CSMD1: variants seen among roughly 807,000 people sequenced by gnomAD.
CSMD1 encodes CUB and sushi domain-containing protein 1.
CSMD1 carries 213 observed loss-of-function variants against 417.5 expected under a neutral mutation model. The ratio of observed to expected loss-of-function variants is 0.51; its 90% confidence interval spans 0.46 to 0.57. CSMD1 has a LOEUF of 0.57. Ranked by LOEUF, CSMD1 falls within the 20% of genes least tolerant of loss-of-function variation. CSMD1 has a pLI of 0.00. For synonymous variants in CSMD1, 2,862 were observed against 1,736.8 expected (o/e 1.65, Z -16.11); for missense variants, 6,923 against 4,529.7 (o/e 1.53, Z -15.17).
chr8:3,845,855 C>G (rs1241406266), intron 5 of CSMD1, among the ~76,000 whole-genome samples: 1 of 150,722 alleles, frequency 6.6e-6, no homozygotes, highest in Non-Finnish European at 1.5e-5. Context: ...TTCTATACTT[C>G]TTTTGTTAAA....
chr8:4,948,284 T>G (rs1336226684), intron 1 of CSMD1, among the ~76,000 whole-genome samples: 4 of 152,116 alleles, frequency 2.6e-5, no homozygotes, highest in Non-Finnish European at 4.4e-5. Context: ...GTTGAATATT[T>G]TTATAATGTT....
intron 3 of CSMD1, among the ~76,000 whole-genome samples, chr8:4,205,630 A>G (rs988209304): frequency 6.6e-6 from 1 of 152,122 alleles, no homozygotes; most frequent in African/African-American, 2.4e-5. Flanking sequence ...GGAGCCACAC[A>G]GAGTGAGAAA....
At chr8:3,242,790 C>T (rs570488434) in intron 26 of CSMD1, among the ~76,000 whole-genome samples, 221 of 147,650 alleles carry the variant, frequency 1.5e-3, no homozygotes, top group Admixed American at 3.6e-3. Flanking sequence ...TCCAGACAAG[C>T]GGGAAAGGGG....
intron 1 of CSMD1, among the ~76,000 whole-genome samples, chr8:4,682,693 G>T (rs1411079433): frequency 1.3e-5 from 2 of 151,570 alleles, no homozygotes; most frequent in African/African-American, 4.8e-5. Context: ...TCTTACCTTG[G>T]AAAAATGATA....
intron 40 of CSMD1, among the ~76,000 whole-genome samples, chr8:3,148,786 T>C: frequency 6.6e-6 from 1 of 152,324 alleles, no homozygotes; most frequent in East Asian, 1.9e-4. Context: ...AGAGGACACA[T>C]CGCCACTCAC....
At chr8:4,982,862 G>T (rs902893313) in intron 1 of CSMD1, among the ~76,000 whole-genome samples, 3 of 152,120 alleles carry the variant, frequency 2.0e-5, no homozygotes, top group African/African-American at 7.2e-5. Context: ...TGCCAGCAAA[G>T]AATGCAGGAA....
chr8:3,767,029 A>G (rs1309863473), intron 5 of CSMD1, among the ~76,000 whole-genome samples: 9 of 152,212 alleles, frequency 5.9e-5, no homozygotes, highest in African/African-American at 1.4e-4. Context: ...ATGAGCTCTC[A>G]TAACTCCGGA....
intron 5 of CSMD1, among the ~76,000 whole-genome samples, chr8:3,914,343 A>T (rs181788969): frequency 4.6e-5 from 7 of 152,002 alleles, no homozygotes; most frequent in Admixed American, 4.6e-4. Context: ...AGAGGGTATC[A>T]GGATGTGTCC....
chr8:3,775,486 G>C (rs974290347), intron 5 of CSMD1, among the ~76,000 whole-genome samples: 24 of 152,158 alleles, frequency 1.6e-4, no homozygotes, highest in African/African-American at 5.8e-4. Context: ...AAAGGACACG[G>C]GGTGAAGTTA....
intron 10 of CSMD1, among the ~76,000 whole-genome samples, chr8:3,508,870 A>C (rs1258570419): frequency 6.6e-6 from 1 of 152,172 alleles, no homozygotes; most frequent in Non-Finnish European, 1.5e-5. Context: ...GACAAAAGTG[A>C]CCAGTTAGAG....
intron 33 of CSMD1, among the ~76,000 whole-genome samples, chr8:3,193,845 C>T (rs983779): frequency 0.31 from 46,751 of 152,002 alleles, 7,421 homozygotes; most frequent in Admixed American, 0.34. Context: ...GTGACAGGTT[C>T]GATGATCACC....
intron 1 of CSMD1, among the ~76,000 whole-genome samples, chr8:4,697,330 A>G (rs965914798): frequency 6.6e-6 from 1 of 152,158 alleles, no homozygotes; most frequent in Non-Finnish European, 1.5e-5. Flanking sequence ...CTTCTCACCA[A>G]AAGTTGCATT....
chr8:3,730,883 C>T (rs1375848076), intron 6 of CSMD1, among the ~76,000 whole-genome samples: 1 of 152,088 alleles, frequency 6.6e-6, no homozygotes, highest in Non-Finnish European at 1.5e-5. Context: ...TGCTTTTAGC[C>T]ACTATAATAC....
At chr8:4,188,661 T>C (rs978050780) in intron 3 of CSMD1, among the ~76,000 whole-genome samples, 1 of 152,094 alleles carries the variant, frequency 6.6e-6, no homozygotes, top group Non-Finnish European at 1.5e-5. Flanking sequence ...AAAACTCTCA[T>C]AAAACAGTCT....
At chr8:3,632,652 A>T (rs1343169554) in intron 7 of CSMD1, among the ~76,000 whole-genome samples, 1 of 152,206 alleles carries the variant, frequency 6.6e-6, no homozygotes, top group Non-Finnish European at 1.5e-5. Context: ...TTAAAAAATA[A>T]TTAAATAACT....
chr8:3,998,403 G>A (rs1815394045), intron 4 of CSMD1, among the ~76,000 whole-genome samples: 1 of 152,256 alleles, frequency 6.6e-6, no homozygotes, highest in Admixed American at 6.5e-5. Context: ...TTGATAGGCA[G>A]CCTAACAAGA....
chr8:4,947,337 A>G (rs546971845), intron 1 of CSMD1, among the ~76,000 whole-genome samples: 1 of 152,160 alleles, frequency 6.6e-6, no homozygotes, highest in Non-Finnish European at 1.5e-5. Flanking sequence ...TCTCCCAGTT[A>G]AAATGCATAA....
At chr8:4,348,554 T>G (rs971855521) in intron 3 of CSMD1, among the ~76,000 whole-genome samples, 2 of 147,638 alleles carry the variant, frequency 1.4e-5, no homozygotes, top group African/African-American at 5.0e-5. Flanking sequence ...AAAGTGTGTG[T>G]GTGCACATGT....
chr8:3,260,222 G>A (rs895840774), intron 26 of CSMD1, among the ~76,000 whole-genome samples: 1 of 152,042 alleles, frequency 6.6e-6, no homozygotes, highest in Non-Finnish European at 1.5e-5. Context: ...AACTCTTTAT[G>A]CATATAACTA....
Sources: gnomAD v4.1 joint callset for allele counts (sites outside exome capture counted in the v4.1 genomes callset) on GRCh38, gnomAD v4.1.1 for gene constraint, MANE v1.5 for transcripts, NCBI Gene and HGNC (gene_info 2026-07-23, HGNC 2026-07-21) for gene names.